The following ASB12 variants were observed in gnomAD, a reference collection of about 807,000 sequenced individuals.
The protein encoded by ASB12 is ankyrin repeat and SOCS box protein 12.
A neutral mutation model predicts 13.7 loss-of-function variants in ASB12; 17 were observed. The observed-to-expected ratio is 1.24, with a 90% CI of 0.85 to 1.86. ASB12 has a LOEUF of 1.86. ASB12 is among the 40% of genes most tolerant of loss of function. The probability of loss-of-function intolerance (pLI) is 0.00; values close to 1 mark genes in which losing one functional copy is unlikely to be tolerated. For synonymous variants in ASB12, 107 were observed against 99.8 expected, an observed-to-expected ratio of 1.07 and a Z score of -0.43; for missense variants, 329 against 250.5, an observed-to-expected ratio of 1.31 and a Z score of -2.11.
rs369915740 is a variant in ASB12 at position 64,224,908 on chromosome X, G to A, written c.743C>T (p.Ala248Val). Residue 248 changes from alanine (A) to valine (V), a missense_variant, in exon 2 of 3, where the codon GCT (alanine) becomes GTT (valine). By Grantham distance (64) the Ala-to-Val change is moderately conservative (BLOSUM62 0). Transcript: ENST00000362002. ...GGAGAGAGATGGAAGGTAGATATTA[G>A]CACCAAAATCGATTAACAGCTGGAT... Reference protein sequence around the residue: ...EYIQLLIDFGANIYLPSLSLD... With the variant: ...EYIQLLIDFGVNIYLPSLSLD... 3.3e-6 allele frequency: 4 copies of A among 1,208,394 alleles called. No individual in the cohort carries two copies. The highest frequency in any genetic ancestry group is 2.2e-5 in the Admixed American group (1 of 45,671).
At position 64,225,328 on chromosome X, in the gene ASB12, G is replaced by A. The variant is rs763029351; in HGVS notation, c.323C>T (p.Thr108Met). Residue 108 changes from threonine to methionine, a missense_variant, in exon 2 of 3, where the codon ACG (threonine) becomes ATG (methionine). Coordinates refer to ENST00000362002, the MANE Select transcript of ASB12 (RefSeq NM_130388.4). ...ATGACTGACAGCAGTGAAAAGTGGCGTCTGTGCCTTGACATCCAAGCTGTC... is the reference window on the plus strand; with the variant it reads ...ATGACTGACAGCAGTGAAAAGTGGCATCTGTGCCTTGACATCCAAGCTGTC... ...DVDSLDVKAQ[T>M]PLFTAVSHGH... 115 of 1,207,261 alleles carry A rather than the reference G, an allele frequency of 9.5e-5. No homozygotes were observed. Among genetic ancestry groups the A allele is most frequent in the South Asian group, 4.5e-4 (25 of 56,125 alleles).
chrX:64,226,642 T>C, intron 1 of ASB12: 1 of 660,868 alleles, frequency 1.5e-6, no homozygotes, highest in Non-Finnish European at 1.8e-6. Context: ...TCAACTCTTC[T>C]CTTTCCATAA....
chrX:64,225,283 C>A lies in ASB12; in HGVS notation c.368G>T (p.Arg123Leu), dbSNP rs759793264. 12 of 1,208,959 alleles carry A rather than the reference C, an allele frequency of 9.9e-6. No homozygotes were observed. Among genetic ancestry groups the A allele is most frequent in the Non-Finnish European group, 1.2e-5 (11 of 894,869 alleles). Residue 123 changes from arginine to leucine, a missense_variant, in exon 2 of 3, where the codon CGT becomes CTT. Transcript: ENST00000362002. The part of the protein sequence containing the change: ...AVSHGHLDCV[R>L]VLLEAGASPG... ...AGAGGCACCAGCTTCCAAAAGCACA[C>A]GTACACAGTCCAGATGGCCATGACT... is the stretch of plus-strand genomic sequence containing the variant.
intron 1 of ASB12, among the ~76,000 whole-genome samples, chrX:64,228,914 A>AT (rs954767513): frequency 9.0e-6 from 1 of 111,276 alleles, no homozygotes; most frequent in Non-Finnish European, 1.9e-5. Context: ...TATTATCCCC[A>AT]TTTTTTGGAT....
chrX:64,228,354 C>T (rs1025204044), intron 1 of ASB12, among the ~76,000 whole-genome samples: 1 of 112,393 alleles, frequency 8.9e-6, no homozygotes, highest in African/African-American at 3.2e-5. Context: ...GCAGTCATCA[C>T]ACTGTATTGT....
At chrX:64,226,483 G>A (rs907656432) in intron 1 of ASB12, among the ~76,000 whole-genome samples, 3 of 111,860 alleles carry the variant, frequency 2.7e-5, no homozygotes, top group South Asian at 3.8e-4. Flanking sequence ...GGCTCCCAGG[G>A]CAAGTTTCCT....
chrX:64,226,876 T>G, intron 1 of ASB12: 1 of 369,789 alleles, frequency 2.7e-6, no homozygotes, highest in Non-Finnish European at 3.5e-6. Flanking sequence ...CCCCTCTTTG[T>G]TAGTCTGGGA....
At chrX:64,227,094 C>T (rs1206483141) in intron 1 of ASB12, among the ~76,000 whole-genome samples, 1 of 111,524 alleles carries the variant, frequency 9.0e-6, no homozygotes, top group Non-Finnish European at 1.9e-5. Context: ...TGCTGAGTAA[C>T]CTTGGGTAAG....
chrX:64,230,406 T>A (rs1256245701), intron 1 of ASB12, 57 bp downstream of exon 1: 1 of 110,488 alleles, frequency 9.1e-6, no homozygotes, highest in African/African-American at 3.3e-5. Flanking sequence ...TGATCACAGG[T>A]CTGTGGGCCC....
At chrX:64,224,526 AG>A in intron 2 of ASB12, 58 bp from the exon 3 acceptor site, 1 of 1,120,176 alleles carries the variant, frequency 8.9e-7, no homozygotes, top group East Asian at 3.1e-5. Flanking sequence ...CTCCCACACA[AG>A]CCTACATCCA....
rs753237124 is a variant in ASB12, at chrX:64,224,317, C to T, written c.*18G>A. 2.5e-6 allele frequency: 3 copies of T among 1,207,094 alleles called. No individual in the cohort carries two copies. The highest frequency in any genetic ancestry group is 3.4e-6 in the Non-Finnish European group (3 of 893,388). On this transcript the variant is annotated 3_prime_UTR_variant, in exon 3 of 3. Coordinates refer to ENST00000362002, the MANE Select transcript of ASB12 (RefSeq NM_130388.4). ...GTGGTTTTCGGAGGCATCATAAGTT[C>T]CTGGGGAGACTGCAAGATTACAGTT...
In ASB12 at chrX:64,228,014, C is replaced by A. The variant is rs762678489; in HGVS notation, c.-24-2340G>T. Among the ~76,000 whole-genome samples the A allele has an allele frequency of 5.0e-4, 56 of 112,520 alleles. 1 individual carries two copies. The highest frequency in any genetic ancestry group is 8.6e-4 in the Non-Finnish European group (46 of 53,340). ...GTTATAGTGGTCTCATAGGTAGTTT[C>A]TCTTTTCAATATTTTCTCCACATTG... On this transcript the variant is annotated intron_variant, in intron 1 of 2. Transcript: ENST00000362002.
At chrX:64,230,432 C>T (rs182359257) in intron 1 of ASB12, 31 bp downstream of exon 1, 1 of 111,244 alleles carries the variant, frequency 9.0e-6, no homozygotes, top group Non-Finnish European at 1.9e-5. Context: ...GGTCACTCTT[C>T]TCAAACCGGT....
rs773145143 is a variant in ASB12 at position 64,225,180 on chromosome X, C to T, written c.471G>A (p.Glu157=). 5 of 1,209,843 alleles carry T rather than the reference C, an allele frequency of 4.1e-6. No homozygotes were observed. The Admixed American group carries it at 6.6e-5, about 16-fold the overall frequency. The change falls in exon 2 of 3, where the codon GAG becomes GAA. Residue 157 remains glutamate, a synonymous_variant. Coordinates refer to ENST00000362002, the MANE Select transcript of ASB12 (RefSeq NM_130388.4). ...ARDGAVAILQ[E]LLDHGAEANV... Reference sequence around the variant, plus strand: ...TGGCCTCTGCACCATGGTCTAGGAGCTCCTGCAGGATAGCAACAGCACCAT... The same window carrying T: ...TGGCCTCTGCACCATGGTCTAGGAGTTCCTGCAGGATAGCAACAGCACCAT...
At chrX:64,229,934 C>A (rs1201271859) in intron 1 of ASB12, among the ~76,000 whole-genome samples, 1 of 111,470 alleles carries the variant, frequency 9.0e-6, no homozygotes, top group Non-Finnish European at 1.9e-5. Context: ...AGTTTCTGGA[C>A]CCCTTGAATT....
At chrX:64,229,600 C>A (rs1262536350) in intron 1 of ASB12, among the ~76,000 whole-genome samples, 2 of 111,834 alleles carry the variant, frequency 1.8e-5, no homozygotes, top group Non-Finnish European at 3.8e-5. Context: ...GTTTTTGCTA[C>A]ATAAAACACA....
In ASB12 at chrX:64,225,564, C is replaced by T. The variant is rs1401670285; in HGVS notation, c.87G>A (p.Glu29=). ...FSLLQPDKEE[E]DTDTEEKQAL... ...CCTGCTTCTCCTCTGTGTCAGTGTC[C>T]TCCTCCTCCTTGTCGGGCTGCAGGA... The change falls in exon 2 of 3, where the codon GAG becomes GAA. Residue 29 remains glutamate, a synonymous_variant. Transcript: ENST00000362002. The T allele has an allele frequency of 2.5e-6, 3 of 1,205,370 alleles. No individual in the cohort carries two copies. Among genetic ancestry groups the T allele is most frequent in the Non-Finnish European group, 3.4e-6 (3 of 892,696 alleles).
chrX:64,224,253 G>A lies in ASB12; in HGVS notation c.*82C>T. 1 of 1,055,151 alleles carries A rather than the reference G, an allele frequency of 9.5e-7. No homozygotes were observed. Among genetic ancestry groups the A allele is most frequent in the Non-Finnish European group, 1.3e-6 (1 of 761,722 alleles). 87.0% of individuals were successfully genotyped at this position (1,055,151 alleles called of 1,213,427 possible). ...ACAGGAGAGCAGCTCCAGGTAAGTG[G>A]ATGAGGCTGTAATGCTCTCCAGCTA... On this transcript the variant is annotated 3_prime_UTR_variant, in exon 3 of 3. Transcript: ENST00000362002.
In ASB12 at chrX:64,224,458, C is replaced by T. The variant is rs1602081332; in HGVS notation, c.834G>A (p.Arg278=). Residue 278 remains arginine, a synonymous_variant, in exon 3 of 3, where the codon CGG becomes CGA. Coordinates refer to ENST00000362002, the MANE Select transcript of ASB12 (RefSeq NM_130388.4). ...CTAAACGGACCTGTGATAGAAGTGA[C>T]CGTGGAGTGGCTACAGCAAGAAGAA... ...ALLLQARATP[R]SLLSQVRLVV... 5 of 1,209,585 alleles carry T rather than the reference C, an allele frequency of 4.1e-6. No individual in the cohort carries two copies. The highest frequency in any genetic ancestry group is 4.5e-6 in the Non-Finnish European group (4 of 894,137).
Sources: gnomAD v4.1 joint callset for allele counts (sites outside exome capture counted in the v4.1 genomes callset) on GRCh38, gnomAD v4.1.1 for gene constraint, MANE v1.5 for transcripts, NCBI Gene and HGNC (gene_info 2026-07-23, HGNC 2026-07-21) for gene names.